Variants in ALKBH1 observed in about 807,000 individuals in gnomAD.
The protein encoded by ALKBH1 is alkB homolog 1, histone H2A dioxygenase, also known as nucleic acid dioxygenase ALKBH1.
In ALKBH1, 31 loss-of-function variants were observed where a neutral mutation model predicts 36.6. The ratio of observed to expected loss-of-function variants is 0.85; its 90% CI spans 0.64 to 1.14. ALKBH1 has a LOEUF of 1.14. Among genes scored for constraint, ALKBH1 ranks in the 50% most tolerant of loss-of-function variants. The probability of loss-of-function intolerance (pLI) is 0.00; values close to 1 mark genes in which losing one functional copy is unlikely to be tolerated. For synonymous variants in ALKBH1, 183 were observed against 186.6 expected (o/e 0.98, Z 0.16); for missense variants, 490 against 497.3 (o/e 0.99, Z 0.14).
intron 2 of ALKBH1, among the ~76,000 whole-genome samples, chr14:77,703,407 T>G (rs965297169): frequency 1.3e-5 from 2 of 151,272 alleles, no homozygotes; most frequent in South Asian, 4.2e-4. Flanking sequence ...TTCTCCCACC[T>G]CAGCCTGCCG....
At chr14:77,702,602 G>A (rs1428077711) in intron 2 of ALKBH1, among the ~76,000 whole-genome samples, 4 of 152,044 alleles carry the variant, frequency 2.6e-5, no homozygotes, top group African/African-American at 9.7e-5. Flanking sequence ...GGCCCCAGGA[G>A]CCTAGAAAAA....
At chr14:77,699,896 A>G (rs2080349739) in intron 2 of ALKBH1, among the ~76,000 whole-genome samples, 1 of 152,016 alleles carries the variant, frequency 6.6e-6, no homozygotes, top group Non-Finnish European at 1.5e-5. Context: ...CTACTAAAAA[A>G]TACAAAAAAT....
intron 2 of ALKBH1, among the ~76,000 whole-genome samples, chr14:77,703,619 CAG>C (rs1228565140): frequency 1.4e-4 from 12 of 86,858 alleles, no homozygotes; most frequent in Admixed American, 1.1e-3. Flanking sequence ...TTTTTTGAGA[CAG>C]AGTTTCCCCC....
chr14:77,695,030 T>A, intron 2 of ALKBH1, 130 bp from the exon 3 acceptor site: 1 of 673,594 alleles, frequency 1.5e-6, no homozygotes, highest in Non-Finnish European at 2.2e-6. Context: ...TGCTTCAAGT[T>A]AATGAACAGG....
At chr14:77,690,018 C>A (rs969037196) in intron 3 of ALKBH1, among the ~76,000 whole-genome samples, 2 of 151,986 alleles carry the variant, frequency 1.3e-5, no homozygotes, top group East Asian at 3.9e-4. Flanking sequence ...ACAAACAAAC[C>A]AAAGCAAGAA....
intron 3 of ALKBH1, among the ~76,000 whole-genome samples, chr14:77,689,574 G>T (rs564701667): frequency 5.3e-5 from 8 of 152,170 alleles, no homozygotes; most frequent in Admixed American, 5.2e-4. Flanking sequence ...TATATACAAA[G>T]AACTGTGGTA....
intron 2 of ALKBH1, among the ~76,000 whole-genome samples, chr14:77,699,619 G>T (rs978370043): frequency 1.3e-5 from 2 of 152,094 alleles, no homozygotes; most frequent in African/African-American, 4.8e-5. Flanking sequence ...CCTCTCTCCT[G>T]GCCCATCACA....
chr14:77,692,949 T>C (rs375644759), intron 3 of ALKBH1, among the ~76,000 whole-genome samples: 1 of 151,782 alleles, frequency 6.6e-6, no homozygotes, highest in African/African-American at 2.4e-5. Flanking sequence ...CTTACACCTG[T>C]AATCCCAGCA....
intron 1 of ALKBH1, among the ~76,000 whole-genome samples, chr14:77,705,601 T>C (rs895438243): frequency 6.6e-6 from 1 of 152,216 alleles, no homozygotes; most frequent in Non-Finnish European, 1.5e-5. Context: ...GAAATGAATT[T>C]AGTATTTCAG....
At chr14:77,688,578 A>G (rs1191494396) in intron 3 of ALKBH1, among the ~76,000 whole-genome samples, 1 of 123,538 alleles carries the variant, frequency 8.1e-6, no homozygotes, top group Non-Finnish European at 1.6e-5. Flanking sequence ...TTTGAGACAG[A>G]GTCTCATTCT....
chr14:77,683,184 G>T, intron 3 of ALKBH1: 1 of 630,458 alleles, frequency 1.6e-6, no homozygotes, highest in East Asian at 3.0e-5. Flanking sequence ...AAACAGTCCA[G>T]GGGTATTTTA....
chr14:77,704,621 C>T (rs1455502848), intron 1 of ALKBH1, 144 bp from the exon 2 acceptor site: 9 of 641,320 alleles, frequency 1.4e-5, no homozygotes, highest in African/African-American at 5.4e-5. Flanking sequence ...ATTGCTCAGG[C>T]GAGTGCAGAG....
At chr14:77,679,550 C>A (rs969809945) in intron 4 of ALKBH1, among the ~76,000 whole-genome samples, 7 of 152,128 alleles carry the variant, frequency 4.6e-5, no homozygotes, top group Admixed American at 1.3e-4. Context: ...CTCACCTCAG[C>A]CTCTTGAGTA....
At chr14:77,674,290 G>C in intron 5 of ALKBH1, 49 bp from the exon 6 acceptor site, 1 of 1,466,708 alleles carries the variant, frequency 6.8e-7, no homozygotes, top group Non-Finnish European at 9.0e-7. Context: ...TATAAATTTT[G>C]TTTATTAACT....
At position 77,676,023 on chromosome 14, in the gene ALKBH1, G is replaced by A. The variant is rs552047576; in HGVS notation, c.547-174C>T. Among the ~76,000 whole-genome samples, 11 of 149,008 alleles carry A rather than the reference G, an allele frequency of 7.4e-5. No homozygotes were observed. In the South Asian group the frequency reaches 2.3e-3, roughly 32 times the overall value. On this transcript the variant is annotated intron_variant, in intron 4 of 5. Transcript: ENST00000216489. ...CTTTTTTTTTTTTTTTAAAGACAGGGCCTCAATCTGTTGCCCAGGCTAAAG... is the reference window on the plus strand; with the variant it reads ...CTTTTTTTTTTTTTTTAAAGACAGGACCTCAATCTGTTGCCCAGGCTAAAG...
chr14:77,674,729 C>G (rs2080195820), intron 5 of ALKBH1, among the ~76,000 whole-genome samples: 1 of 151,908 alleles, frequency 6.6e-6, no homozygotes, highest in Non-Finnish European at 1.5e-5. Flanking sequence ...ATTTTTGTAT[C>G]TTAGTAGAGA....
chr14:77,677,669 T>C (rs1474644501), intron 4 of ALKBH1, among the ~76,000 whole-genome samples: 1 of 152,222 alleles, frequency 6.6e-6, no homozygotes, highest in African/African-American at 2.4e-5. Flanking sequence ...AGGAAGACTC[T>C]TGATGAATGG....
At chr14:77,699,918 G>A (rs1459282459) in intron 2 of ALKBH1, among the ~76,000 whole-genome samples, 1 of 152,038 alleles carries the variant, frequency 6.6e-6, no homozygotes, top group Non-Finnish European at 1.5e-5. Context: ...AGCTGGGCGT[G>A]GTGGCGGGCG....
chr14:77,698,429 G>A (rs2139862351), intron 2 of ALKBH1, among the ~76,000 whole-genome samples: 1 of 152,310 alleles, frequency 6.6e-6, no homozygotes, highest in East Asian at 1.9e-4. Context: ...AAGGGTTTGT[G>A]CCTGAGGGAC....
Sources: gnomAD v4.1 joint callset for allele counts (sites outside exome capture counted in the v4.1 genomes callset) on GRCh38, gnomAD v4.1.1 for gene constraint, MANE v1.5 for transcripts, NCBI Gene and HGNC (gene_info 2026-07-23, HGNC 2026-07-21) for gene names.